GUCY1A2: variants seen among roughly 807,000 people sequenced by gnomAD.
The protein encoded by GUCY1A2 is guanylate cyclase 1 soluble subunit alpha 2, also known as guanylate cyclase soluble subunit alpha-2.
GUCY1A2 carries 27 observed loss-of-function variants against 63.5 expected under a neutral mutation model. The ratio of observed to expected loss-of-function variants is 0.43; its 90% CI spans 0.31 to 0.59. The LOEUF is 0.59. Among genes scored for constraint, GUCY1A2 ranks in the 20% least tolerant of loss-of-function variants. The pLI, the probability that GUCY1A2 is intolerant of heterozygous loss-of-function variation, is 0.11. For missense variants in GUCY1A2, 768 were observed against 913.3 expected (o/e 0.84, Z 2.05); for synonymous variants, 364 against 343.5 (o/e 1.06, Z -0.66).
chr11:106,819,018 A>C (rs544694156), intron 4 of GUCY1A2, among the ~76,000 whole-genome samples: 15 of 152,304 alleles, frequency 9.8e-5, no homozygotes, highest in Admixed American at 3.9e-4. Context: ...AGTTTATTTC[A>C]ACCCTCGGTG....
chr11:106,705,763 G>A (rs1364734547), intron 7 of GUCY1A2, among the ~76,000 whole-genome samples: 1 of 152,122 alleles, frequency 6.6e-6, no homozygotes, highest in Non-Finnish European at 1.5e-5. Context: ...GGGAGGCTAA[G>A]GCAGGAGAAT....
At chr11:106,984,880 A>T (rs1861381821) in intron 2 of GUCY1A2, among the ~76,000 whole-genome samples, 1 of 152,192 alleles carries the variant, frequency 6.6e-6, no homozygotes. Flanking sequence ...CCTCAAACTA[A>T]AAGCCATCTC....
intron 4 of GUCY1A2, among the ~76,000 whole-genome samples, chr11:106,922,044 G>C (rs1179706730): frequency 6.6e-6 from 1 of 152,136 alleles, no homozygotes; most frequent in Admixed American, 6.5e-5. Flanking sequence ...ATTTGAAAAA[G>C]TGATGAACTT....
At chr11:106,934,514 T>A (rs964961762) in intron 4 of GUCY1A2, among the ~76,000 whole-genome samples, 1 of 152,124 alleles carries the variant, frequency 6.6e-6, no homozygotes, top group Non-Finnish European at 1.5e-5. Context: ...AATCATCGCC[T>A]CAGAAAAAGG....
chr11:106,810,998 A>C (rs1021182585), intron 4 of GUCY1A2, among the ~76,000 whole-genome samples: 6 of 152,134 alleles, frequency 3.9e-5, no homozygotes, highest in African/African-American at 1.4e-4. Context: ...TAGTCATTGC[A>C]CTTGTTAGGT....
At chr11:106,753,579 A>C (rs1863920626) in intron 6 of GUCY1A2, among the ~76,000 whole-genome samples, 1 of 152,210 alleles carries the variant, frequency 6.6e-6, no homozygotes, top group Non-Finnish European at 1.5e-5. Context: ...AGCTTTCTAC[A>C]CATGGCTAGT....
At chr11:107,001,915 AG>A in intron 1 of GUCY1A2, among the ~76,000 whole-genome samples, 1 of 151,958 alleles carries the variant, frequency 6.6e-6, no homozygotes, top group East Asian at 1.9e-4. Context: ...GCTACTCGGG[AG>A]GCTGAGGCAG....
At chr11:107,003,340 G>A (rs137985016) in intron 1 of GUCY1A2, among the ~76,000 whole-genome samples, 3 of 152,082 alleles carry the variant, frequency 2.0e-5, no homozygotes, top group African/African-American at 7.2e-5. Context: ...TCAACCACTG[G>A]GTCCTTGCTC....
At chr11:106,860,123 C>T (rs1193345733) in intron 4 of GUCY1A2, among the ~76,000 whole-genome samples, 1 of 151,330 alleles carries the variant, frequency 6.6e-6, no homozygotes, top group Non-Finnish European at 1.5e-5. Flanking sequence ...TTATGAATTA[C>T]TTAAGTTTAT....
At chr11:106,845,732 AAAATC>A (rs2135446974) in intron 4 of GUCY1A2, among the ~76,000 whole-genome samples, 1 of 151,794 alleles carries the variant, frequency 6.6e-6, no homozygotes, top group African/African-American at 2.4e-5. Flanking sequence ...GTAGAATTAG[AAAATC>A]ACCATTTTGC....
At chr11:106,747,531 T>G (rs904283764) in intron 6 of GUCY1A2, among the ~76,000 whole-genome samples, 1 of 152,226 alleles carries the variant, frequency 6.6e-6, no homozygotes, top group Non-Finnish European at 1.5e-5. Context: ...TAGTGTTTAT[T>G]AGAAACAGCT....
intron 1 of GUCY1A2, among the ~76,000 whole-genome samples, chr11:106,994,234 T>C (rs72996330): frequency 3.3e-5 from 5 of 152,184 alleles, no homozygotes; most frequent in Admixed American, 3.3e-4. Context: ...TAATTGATTA[T>C]ACTTAACATA....
rs747719759 is a variant in GUCY1A2, at chr11:106,810,130, C to A, written c.1555G>T (p.Asp519Tyr). 10 of 1,613,868 alleles carry A rather than the reference C, an allele frequency of 6.2e-6. No individual in the cohort carries two copies. Among genetic ancestry groups the A allele is most frequent in the Non-Finnish European group, 8.5e-6 (10 of 1,179,926 alleles). Residue 519 changes from aspartate (D) to tyrosine (Y), a missense_variant, in exon 5 of 8, where the codon GAT becomes TAT. Asp to Tyr is a radical substitution (Grantham distance 160). This residue lies in a region of GUCY1A2 where 122 missense variants were observed against 238.1 expected (regional missense o/e 0.51). Coordinates refer to ENST00000526355, the MANE Select transcript of GUCY1A2 (RefSeq NM_000855.3). ...ATGTCTGAAAAGAGCATGGTGACAT[C>A]ATCAAACTTTCTGGCCTGTACTTGC... The part of the protein sequence containing the change: ...GQQVQARKFD[D>Y]VTMLFSDIVG...
chr11:106,798,864 A>G (rs1459732852), intron 5 of GUCY1A2, among the ~76,000 whole-genome samples: 2 of 152,160 alleles, frequency 1.3e-5, no homozygotes, highest in Non-Finnish European at 2.9e-5. Context: ...CAAGACAGGG[A>G]TGCCCTCTCT....
At chr11:106,779,501 T>C (rs924951052) in intron 5 of GUCY1A2, among the ~76,000 whole-genome samples, 4 of 152,220 alleles carry the variant, frequency 2.6e-5, no homozygotes, top group Non-Finnish European at 5.9e-5. Flanking sequence ...AACTTATTTC[T>C]GGTAGTCAGA....
chr11:106,815,798 A>G (rs1305301377), intron 4 of GUCY1A2, among the ~76,000 whole-genome samples: 1 of 151,988 alleles, frequency 6.6e-6, no homozygotes, highest in Non-Finnish European at 1.5e-5. Context: ...ACACGCACAC[A>G]CACACCACAC....
intron 4 of GUCY1A2, among the ~76,000 whole-genome samples, chr11:106,810,835 A>G (rs1456918808): frequency 6.6e-6 from 1 of 152,168 alleles, no homozygotes; most frequent in African/African-American, 2.4e-5. Context: ...ATAATAATGA[A>G]AATATGGTAA....
At chr11:106,839,489 C>T (rs549567563) in intron 4 of GUCY1A2, among the ~76,000 whole-genome samples, 106 of 152,070 alleles carry the variant, frequency 7.0e-4, no homozygotes, top group Non-Finnish European at 1.3e-3. Flanking sequence ...TACCATTTGA[C>T]CCAGCCATCC....
At chr11:106,797,876 C>T (rs1183669559) in intron 5 of GUCY1A2, among the ~76,000 whole-genome samples, 2 of 152,024 alleles carry the variant, frequency 1.3e-5, no homozygotes, top group East Asian at 1.9e-4. Flanking sequence ...CAAGAGCAAA[C>T]ACATTCAAAA....
Sources: gnomAD v4.1 joint callset for allele counts (sites outside exome capture counted in the v4.1 genomes callset) on GRCh38, gnomAD v4.1.1 for gene constraint, gnomAD v4.1.1 regional missense constraint, MANE v1.5 for transcripts, NCBI Gene and HGNC (gene_info 2026-07-23, HGNC 2026-07-21) for gene names.